The following FLACC1 variants were observed in gnomAD, a reference collection of about 807,000 sequenced individuals.
FLACC1 encodes the protein flagellum-associated coiled-coil domain-containing protein 1.
In FLACC1, 66 loss-of-function variants were observed where a neutral mutation model predicts 62.8. That is an observed-to-expected ratio of 1.05 (90% CI 0.86 to 1.29). The LOEUF is 1.29. Among genes scored for constraint, FLACC1 ranks in the 50% most tolerant of loss-of-function variants. The pLI is 0.00. For synonymous variants in FLACC1, 156 were observed against 161.0 expected, an observed-to-expected ratio of 0.97 and a Z score of 0.24; for missense variants, 452 against 489.1, an observed-to-expected ratio of 0.92 and a Z score of 0.71.
At chr2:201,343,592 A>G (rs1261905389) in intron 6 of FLACC1, among the ~76,000 whole-genome samples, 1 of 152,144 alleles carries the variant, frequency 6.6e-6, no homozygotes, top group African/African-American at 2.4e-5. Context: ...TGGGGAGGAT[A>G]TTTCTGAACA....
intron 12 of FLACC1, among the ~76,000 whole-genome samples, chr2:201,295,459 T>A: frequency 6.6e-6 from 1 of 152,214 alleles, no homozygotes; most frequent in Non-Finnish European, 1.5e-5. Context: ...GCTAGTCATA[T>A]GTAGAAAGCT....
chr2:201,363,619 G>A, the FLACC1 span, among the ~76,000 whole-genome samples: 1 of 151,504 alleles, frequency 6.6e-6, no homozygotes, highest in Admixed American at 6.6e-5. Context: ...ACCCTCCTAC[G>A]CAGAGGTCTT....
intron 10 of FLACC1, 32 bp downstream of exon 10, chr2:201,309,119 G>C: frequency 1.3e-6 from 2 of 1,572,602 alleles, no homozygotes; most frequent in Middle Eastern, 1.7e-4. Flanking sequence ...TAATGCACTT[G>C]TCATCAAAAA....
Position 201,330,508 on chromosome 2 carries a change from C to A in FLACC1, c.637G>T (p.Glu213Ter), listed in dbSNP as rs368135238. ...AQEKLEEMGK[E>*]YKYLKNMFRT... The stretch of plus-strand genomic sequence containing the variant: ...AACATATTCTTCAAATACTTGTATT[C>A]TTTTCCCATCTCCTCTGGATAAAAG... Residue 213 changes from glutamate to a stop codon, truncating the protein, a stop_gained, in exon 9 of 15, where the codon GAA becomes TAA. Transcript: ENST00000392257. LOFTEE classifies it high-confidence loss of function. 23 of 1,613,654 alleles carry A rather than the reference C, an allele frequency of 1.4e-5. No homozygotes were observed. The African/African-American group carries it at 2.1e-4, about 15-fold the overall frequency.
chr2:201,348,339 A>G (rs918854536), intron 3 of FLACC1, 37 bp from the exon 4 acceptor site: 37 of 1,604,298 alleles, frequency 2.3e-5, no homozygotes, highest in Non-Finnish European at 3.1e-5. Context: ...GCAACCAGAC[A>G]GCAAAGAGAA....
upstream of FLACC1, among the ~76,000 whole-genome samples, chr2:201,358,686 G>A (rs1336839209): frequency 2.0e-5 from 3 of 151,962 alleles, no homozygotes; most frequent in Non-Finnish European, 4.4e-5. Context: ...CAAAGTGCTG[G>A]GATTACAGGC....
At position 201,303,127 on chromosome 2, in the gene FLACC1, C is replaced by G. The variant is rs572153044; in HGVS notation, c.880-3827G>C. Among the ~76,000 whole-genome samples the G allele has an allele frequency of 3.3e-3, 498 of 151,790 alleles. 4 individuals carry two copies. Among genetic ancestry groups the G allele is most frequent in the African/African-American group, 0.011 (463 of 41,410 alleles). On this transcript the variant is annotated intron_variant, in intron 11 of 14. Transcript: ENST00000392257. ...GAGACACAAAAACCCTTCAAAAAAT[C>G]AATGAATCCAGGAGCTGGTTTTTTG...
intron 9 of FLACC1, among the ~76,000 whole-genome samples, chr2:201,325,847 C>T (rs1421754066): frequency 6.6e-6 from 1 of 152,022 alleles, no homozygotes; most frequent in East Asian, 1.9e-4. Context: ...CCCTGATATC[C>T]AAATCAGGAA....
At chr2:201,296,921 G>C (rs1949877927) in intron 12 of FLACC1, among the ~76,000 whole-genome samples, 1 of 152,158 alleles carries the variant, frequency 6.6e-6, no homozygotes, top group African/African-American at 2.4e-5. Context: ...ACGGAACTAA[G>C]GAGGAGAATA....
chr2:201,304,369 T>C (rs537730178), intron 11 of FLACC1, among the ~76,000 whole-genome samples: 6 of 152,182 alleles, frequency 3.9e-5, no homozygotes, highest in East Asian at 3.9e-4. Flanking sequence ...GAATCCAACT[T>C]ACAAGGGATG....
Position 201,288,782 on chromosome 2 carries a change from C to T in FLACC1, c.1143-1G>A. On this transcript the variant is annotated splice_acceptor_variant, in intron 14 of 14. Transcript: ENST00000392257. LOFTEE classifies it high-confidence loss of function. The stretch of plus-strand genomic sequence containing the variant: ...TTCATTCTTAGAAATTATCTTTTGC[C>T]TGTAAAAAGAAAGGAAAGATGTATC... 1 of 1,612,862 alleles carries T rather than the reference C, an allele frequency of 6.2e-7. No homozygotes were observed. Among genetic ancestry groups the T allele is most frequent in the African/African-American group, 1.3e-5 (1 of 74,980 alleles).
At chr2:201,336,064 T>C (rs13403105) in intron 7 of FLACC1, among the ~76,000 whole-genome samples, 4,289 of 152,312 alleles carry the variant, frequency 0.028, 203 homozygotes, top group African/African-American at 0.096. Flanking sequence ...CATAGGTAAA[T>C]TGTACATCAC....
chr2:201,345,505 A>G (rs1181822921), intron 5 of FLACC1, among the ~76,000 whole-genome samples: 1 of 147,518 alleles, frequency 6.8e-6, no homozygotes, highest in Admixed American at 6.7e-5. Flanking sequence ...TGTGTTTTCT[A>G]TTGTTGGTCT....
rs1949927413 is a variant in FLACC1, at chr2:201,299,230, A to G, written c.942+8T>C. On this transcript the variant is annotated splice_region_variant and intron_variant, in intron 12 of 14. Coordinates refer to ENST00000392257, the MANE Select transcript of FLACC1 (RefSeq NM_001127391.3). The stretch of plus-strand genomic sequence containing the variant: ...ACCAAGTCCACAGGAAAGGATGAAA[A>G]AGCTTACCTCTTTGGTTTTTCTCAG... 3.1e-6 allele frequency: 5 copies of G among 1,612,902 alleles called. No homozygotes were observed. The East Asian group carries it at 1.1e-4, about 36-fold the overall frequency.
At chr2:201,359,898 T>C (rs1263173328), upstream of FLACC1, among the ~76,000 whole-genome samples, 1 of 151,946 alleles carries the variant, frequency 6.6e-6, no homozygotes, top group Non-Finnish European at 1.5e-5. Flanking sequence ...ACTTTGAGTG[T>C]GTTTAATGTG....
intron 9 of FLACC1, among the ~76,000 whole-genome samples, chr2:201,314,565 T>C (rs1305959679): frequency 1.3e-5 from 2 of 152,158 alleles, no homozygotes; most frequent in Non-Finnish European, 2.9e-5. Flanking sequence ...GTAAAAATAA[T>C]TGGTGTTCCT....
At chr2:201,335,213 A>G (rs183215726) in intron 7 of FLACC1, among the ~76,000 whole-genome samples, 296 of 151,998 alleles carry the variant, frequency 1.9e-3, no homozygotes, top group Middle Eastern at 6.8e-3. Flanking sequence ...TGTTGCTTTT[A>G]TCTTTTCAAA....
chr2:201,337,124 G>C (rs1356748638), intron 7 of FLACC1, among the ~76,000 whole-genome samples: 1 of 152,182 alleles, frequency 6.6e-6, no homozygotes, highest in Non-Finnish European at 1.5e-5. Context: ...TTTGCGTGTA[G>C]AAGCTTTTTA....
At chr2:201,325,293 A>C (rs1017510760) in intron 9 of FLACC1, among the ~76,000 whole-genome samples, 2 of 152,216 alleles carry the variant, frequency 1.3e-5, no homozygotes, top group African/African-American at 2.4e-5. Context: ...CAAAGATAGA[A>C]GAAAAGAAAT....
Sources: gnomAD v4.1 joint callset for allele counts (sites outside exome capture counted in the v4.1 genomes callset) on GRCh38, gnomAD v4.1.1 for gene constraint, MANE v1.5 for transcripts, NCBI Gene and HGNC (gene_info 2026-07-23, HGNC 2026-07-21) for gene names.